The following ERI1 variants were observed in gnomAD, a reference collection of about 807,000 sequenced individuals.
The protein encoded by ERI1 is exoribonuclease 1, also known as 3'-5' exoribonuclease 1.
In ERI1, 39 loss-of-function variants were observed where a neutral mutation model predicts 39.7. That is an observed-to-expected ratio of 0.98 (90% CI 0.76 to 1.28). The LOEUF (loss-of-function observed/expected upper bound fraction) is 1.28. Ranked by LOEUF, ERI1 falls within the 50% of genes most tolerant of loss-of-function variation. The pLI is 0.00. For missense variants in ERI1, 581 were observed against 416.9 expected (o/e 1.39, Z -3.43); for synonymous variants, 204 against 149.6 (o/e 1.36, Z -2.65).
intron 6 of ERI1, among the ~76,000 whole-genome samples, chr8:9,024,874 A>G: frequency 6.6e-6 from 1 of 152,040 alleles, no homozygotes; most frequent in South Asian, 2.1e-4. Flanking sequence ...TGAATTTAAG[A>G]TAAGCTCACA....
intron 3 of ERI1, among the ~76,000 whole-genome samples, chr8:9,068,720 A>G (rs59681442): frequency 0.039 from 5,965 of 152,214 alleles, 330 homozygotes; most frequent in African/African-American, 0.13. Context: ...TCTTCATTAG[A>G]ATGTAAGCTT....
At chr8:9,059,373 G>C (rs1370601855) in intron 3 of ERI1, among the ~76,000 whole-genome samples, 2 of 152,118 alleles carry the variant, frequency 1.3e-5, no homozygotes, top group East Asian at 3.9e-4. Flanking sequence ...GTGTTGGGGT[G>C]GCGAAAATTT....
Position 9,065,932 on chromosome 8 carries a change from T to C in ERI1, n.299+45468T>C, listed in dbSNP as rs992143790. ...GCGCTGTCGGCAGTGGCTGGGCCTC[T>C]CTCTCCAAGGTGACCATGTCTAGTT... is the stretch of plus-strand genomic sequence containing the variant. On this transcript the variant is annotated intron_variant and non_coding_transcript_variant, in intron 3 of 3. Coordinates refer to the ERI1 transcript ENST00000518663. 5.3e-5 allele frequency among the ~76,000 whole-genome samples: 8 copies of C among 152,112 alleles called. No homozygotes were observed. In the East Asian group the frequency reaches 1.5e-3, roughly 29 times the overall value.
In ERI1 at chr8:9,006,007, CATT is replaced by C. The variant is rs561444721; in HGVS notation, c.109-1960_109-1958del. Among the ~76,000 whole-genome samples the C allele has an allele frequency of 1.8e-3, 274 of 152,270 alleles. 1 individual carries two copies. The highest frequency in any genetic ancestry group is 3.1e-3 in the Admixed American group (47 of 15,294). On this transcript the variant is annotated intron_variant, in intron 1 of 6. Transcript: ENST00000250263. ...ATATTGTGGAATCTATCACTTTTCT[CATT>C]ATATGGTCCGTATTATATGTGACAT...
intron 3 of ERI1, chr8:9,099,972 G>C (rs1800001190): frequency 6.6e-6 from 1 of 152,214 alleles, no homozygotes. Context: ...TGAAGACCAA[G>C]ATGGTAAAGA....
At chr8:9,082,402 G>T (rs1015419552) in intron 3 of ERI1, among the ~76,000 whole-genome samples, 1 of 152,174 alleles carries the variant, frequency 6.6e-6, no homozygotes, top group Non-Finnish European at 1.5e-5. Context: ...CTCTGCCATG[G>T]AAACCTGATC....
intron 3 of ERI1, among the ~76,000 whole-genome samples, chr8:9,014,353 A>G (rs1261568779): frequency 6.6e-6 from 1 of 152,084 alleles, no homozygotes; most frequent in Non-Finnish European, 1.5e-5. Context: ...TTACCTCTAA[A>G]TAAAGCCTAC....
downstream of ERI1, among the ~76,000 whole-genome samples, chr8:9,034,140 G>A (rs888455214): frequency 6.6e-6 from 1 of 152,244 alleles, no homozygotes; most frequent in Non-Finnish European, 1.5e-5. Flanking sequence ...AGAGTTGGAA[G>A]TACTTGTTTT....
intron 6 of ERI1, among the ~76,000 whole-genome samples, chr8:9,024,718 C>T (rs1344552303): frequency 6.6e-6 from 1 of 152,190 alleles, no homozygotes; most frequent in African/African-American, 2.4e-5. Context: ...AGCCACCAGG[C>T]CCAGCCTCTT....
intron 5 of ERI1, among the ~76,000 whole-genome samples, chr8:9,019,846 C>T (rs944438806): frequency 2.6e-5 from 4 of 152,134 alleles, no homozygotes; most frequent in African/African-American, 4.8e-5. Flanking sequence ...AGAAAAACCA[C>T]GTAGGAACCA....
At chr8:9,027,688 T>C (rs1431664900) in intron 6 of ERI1, among the ~76,000 whole-genome samples, 1 of 152,224 alleles carries the variant, frequency 6.6e-6, no homozygotes, top group Non-Finnish European at 1.5e-5. Context: ...CTTCATTCTT[T>C]TGCACGTGGA....
intron 3 of ERI1, among the ~76,000 whole-genome samples, chr8:9,066,381 G>A (rs1200394886): frequency 6.6e-6 from 1 of 152,176 alleles, no homozygotes; most frequent in Admixed American, 6.5e-5. Flanking sequence ...CCCATGTGTT[G>A]GATAAGAAGA....
chr8:9,092,780 C>A (rs1357616159), intron 3 of ERI1, among the ~76,000 whole-genome samples: 1 of 152,162 alleles, frequency 6.6e-6, no homozygotes, highest in African/African-American at 2.4e-5. Flanking sequence ...CCTAGGACTG[C>A]CATAACAAAG....
At chr8:9,065,330 A>G (rs17155163) in intron 3 of ERI1, among the ~76,000 whole-genome samples, 4,031 of 152,254 alleles carry the variant, frequency 0.026, 100 homozygotes, top group Middle Eastern at 0.065. Context: ...ACTTGGTCAC[A>G]CCACAAGTAA....
rs560702638 is a variant in ERI1, at chr8:9,042,540, C to T, written n.299+22076C>T. On this transcript the variant is annotated intron_variant and non_coding_transcript_variant, in intron 3 of 3. Transcript: ENST00000518663. ...CCATTATACTCAAATCTGCCAGTTCCCTGTTCTTTGAGGAGGTAGCGTCAT... is the reference window on the plus strand; with the variant it reads ...CCATTATACTCAAATCTGCCAGTTCTCTGTTCTTTGAGGAGGTAGCGTCAT... 5.3e-5 allele frequency among the ~76,000 whole-genome samples: 8 copies of T among 152,300 alleles called. No homozygotes were observed. In the South Asian group the frequency reaches 1.7e-3, roughly 32 times the overall value.
intron 3 of ERI1, among the ~76,000 whole-genome samples, chr8:9,064,248 GGT>G (rs201580630): frequency 1 from 148,832 of 148,916 alleles, 74,374 homozygotes; most frequent in Middle Eastern, 1. Context: ...GGGTTGGGGG[GGT>G]TTCTTGCCCC....
chr8:9,007,738 G>T (rs1436138230), intron 1 of ERI1, among the ~76,000 whole-genome samples: 2 of 152,054 alleles, frequency 1.3e-5, no homozygotes, highest in Non-Finnish European at 2.9e-5. Flanking sequence ...ACTTAGCTTT[G>T]TTTCCTTTGA....
intron 3 of ERI1, among the ~76,000 whole-genome samples, chr8:9,042,933 G>C (rs1053048427): frequency 3.3e-5 from 5 of 152,326 alleles, no homozygotes; most frequent in South Asian, 2.1e-4. Context: ...CCCACGCGCA[G>C]TGCCGTATGT....
At chr8:9,051,997 C>T (rs973290007) in intron 3 of ERI1, among the ~76,000 whole-genome samples, 1 of 151,976 alleles carries the variant, frequency 6.6e-6, no homozygotes, top group Non-Finnish European at 1.5e-5. Context: ...CTCTGTTAAA[C>T]GGGGGCATGC....
Sources: gnomAD v4.1 joint callset for allele counts (sites outside exome capture counted in the v4.1 genomes callset) on GRCh38, gnomAD v4.1.1 for gene constraint, MANE v1.5 for transcripts, NCBI Gene and HGNC (gene_info 2026-07-23, HGNC 2026-07-21) for gene names.